The following CFAP47 variants were observed in gnomAD, a reference collection of about 807,000 sequenced individuals.
CFAP47 encodes the protein cilia- and flagella-associated protein 47.
Under a neutral mutation model 148.1 loss-of-function variants are expected in CFAP47, and 29 were observed. The observed-to-expected ratio is 0.20, with a 90% confidence interval of 0.15 to 0.27. The LOEUF (loss-of-function observed/expected upper bound fraction) is 0.27. Ranked by LOEUF, CFAP47 falls within the 10% of genes least tolerant of loss-of-function variation. The pLI is 1.00. For synonymous variants in CFAP47, 664 were observed against 577.3 expected, an observed-to-expected ratio of 1.15 and a Z score of -2.15; for missense variants, 1,872 against 1,697.5, an observed-to-expected ratio of 1.10 and a Z score of -1.81.
chrX:35,933,542 C>T (rs887507778), intron 2 of CFAP47, among the ~76,000 whole-genome samples: 12 of 111,993 alleles, frequency 1.1e-4, no homozygotes, highest in African/African-American at 3.9e-4. Context: ...GTGCAGATAT[C>T]CCTTCAATAC....
At chrX:35,949,717 T>C (rs1008265085) in intron 4 of CFAP47, among the ~76,000 whole-genome samples, 4 of 112,352 alleles carry the variant, frequency 3.6e-5, no homozygotes, top group African/African-American at 1.3e-4. Context: ...CTCAAAATAC[T>C]TGAGATCAGA....
intron 15 of CFAP47, among the ~76,000 whole-genome samples, chrX:35,977,510 G>T (rs1276766098): frequency 9.0e-6 from 1 of 110,821 alleles, no homozygotes; most frequent in Non-Finnish European, 1.9e-5. Context: ...CTTGCTCCCT[G>T]TTTCCTTCCA....
intron 21 of CFAP47, among the ~76,000 whole-genome samples, chrX:36,010,263 T>A (rs1937023648): frequency 9.0e-6 from 1 of 111,604 alleles, no homozygotes; most frequent in African/African-American, 3.2e-5. Flanking sequence ...TTTTTATCAA[T>A]TTAAATTTCT....
Position 36,309,440 on chromosome X carries a change from G to C in CFAP47, c.8188-1393G>C, listed in dbSNP as rs184494576. Among the ~76,000 whole-genome samples the C allele has an allele frequency of 2.3e-3, 253 of 111,251 alleles. 1 individual carries two copies. Among genetic ancestry groups the C allele is most frequent in the Non-Finnish European group, 3.4e-3 (181 of 52,605 alleles). Reference sequence around the variant, plus strand: ...AAATTGTATCTTTAAAAGTTTTAATGTCTCTCCTTTAGAAGAAGATTGAGA... The same window carrying C: ...AAATTGTATCTTTAAAAGTTTTAATCTCTCTCCTTTAGAAGAAGATTGAGA... On this transcript the variant is annotated intron_variant, in intron 55 of 63. Coordinates refer to ENST00000378653, the MANE Select transcript of CFAP47 (RefSeq NM_001304548.2).
At chrX:36,018,105 G>C (rs905294962) in intron 22 of CFAP47, among the ~76,000 whole-genome samples, 3 of 110,826 alleles carry the variant, frequency 2.7e-5, no homozygotes, top group African/African-American at 9.8e-5. Flanking sequence ...TAATTTCTAG[G>C]TACTTAATTT....
chrX:36,335,321 G>C (rs1245906829), intron 57 of CFAP47, among the ~76,000 whole-genome samples: 1 of 110,711 alleles, frequency 9.0e-6, no homozygotes, highest in Non-Finnish European at 1.9e-5. Flanking sequence ...AATGCATCCT[G>C]AATATTCCTC....
intron 33 of CFAP47, among the ~76,000 whole-genome samples, chrX:36,113,483 T>C (rs1938586704): frequency 9.0e-6 from 1 of 111,715 alleles, no homozygotes; most frequent in African/African-American, 3.3e-5. Flanking sequence ...CTTCCCTTTG[T>C]AGGTGACCTG....
At chrX:36,313,774 C>T (rs1375790523) in intron 56 of CFAP47, among the ~76,000 whole-genome samples, 8 of 110,382 alleles carry the variant, frequency 7.2e-5, no homozygotes, top group African/African-American at 9.9e-5. Flanking sequence ...CCTCATTTTT[C>T]TCTCTCTCTC....
chrX:36,179,246 A>C, intron 39 of CFAP47, 99 bp from the exon 40 acceptor site: 2 of 280,016 alleles, frequency 7.1e-6, no homozygotes, highest in Non-Finnish European at 1.3e-5. Flanking sequence ...TTCTAAGGAT[A>C]TTTTGTGAAT....
intron 22 of CFAP47, 37 bp from the exon 23 acceptor site, chrX:36,031,216 T>C: frequency 3.5e-6 from 1 of 286,517 alleles, no homozygotes; most frequent in East Asian, 4.9e-5. Context: ...CTTATATCTG[T>C]TGACATTTTA....
chrX:36,051,415 CAGTGT>C (rs1937519670), intron 26 of CFAP47, among the ~76,000 whole-genome samples: 1 of 111,996 alleles, frequency 8.9e-6, no homozygotes. Context: ...TCTCTTGTAT[CAGTGT>C]GACCTGGATG....
At chrX:36,147,404 T>C (rs1350210226) in intron 36 of CFAP47, among the ~76,000 whole-genome samples, 1 of 112,400 alleles carries the variant, frequency 8.9e-6, no homozygotes, top group Non-Finnish European at 1.9e-5. Flanking sequence ...ATGTATGATA[T>C]AGTGACAATG....
intron 60 of CFAP47, 137 bp downstream of exon 60, chrX:36,353,818 C>A: frequency 2.2e-6 from 1 of 447,244 alleles, no homozygotes; most frequent in Non-Finnish European, 3.7e-6. Context: ...TCACATAGTG[C>A]TTAAGGAGTG....
chrX:36,104,590 C>A lies in CFAP47; in HGVS notation c.5219C>A (p.Ala1740Glu). ...QNTPKVNPCF[A>E]SSNIYSDSER... ...ACACCAAAAGTCAATCCTTGTTTTG[C>A]ATCCAGCAACATATATTCTGATTCT... The change falls in exon 33 of 64, where the codon GCA becomes GAA. Residue 1740 changes from alanine to glutamate, a missense_variant. By Grantham distance (107) the Ala-to-Glu change is moderately radical (BLOSUM62 -1). Transcript: ENST00000378653. The A allele has an allele frequency of 1.1e-6, 1 of 929,056 alleles. No individual in the cohort carries two copies. Among genetic ancestry groups the A allele is most frequent in the Non-Finnish European group, 1.5e-6 (1 of 646,489 alleles). 76.6% of individuals were successfully genotyped at this position (929,056 alleles called of 1,213,427 possible).
At chrX:36,091,798 G>T (rs768679832) in intron 30 of CFAP47, among the ~76,000 whole-genome samples, 1 of 111,373 alleles carries the variant, frequency 9.0e-6, no homozygotes, top group Non-Finnish European at 1.9e-5. Flanking sequence ...CAAGGTTTGA[G>T]TTTTCAGAAT....
At chrX:36,032,928 G>T (rs779584469) in intron 23 of CFAP47, among the ~76,000 whole-genome samples, 7 of 111,233 alleles carry the variant, frequency 6.3e-5, no homozygotes, top group Admixed American at 9.6e-5. Flanking sequence ...TGACAGAAGG[G>T]TCAGAGTGAT....
At chrX:36,380,091 T>C (rs1291087828) in intron 63 of CFAP47, among the ~76,000 whole-genome samples, 5 of 112,248 alleles carry the variant, frequency 4.5e-5, no homozygotes, top group Non-Finnish European at 7.5e-5. Flanking sequence ...CTATAAAGTT[T>C]CACACATATT....
At chrX:36,328,558 C>T (rs1192879674) in intron 57 of CFAP47, among the ~76,000 whole-genome samples, 1 of 110,982 alleles carries the variant, frequency 9.0e-6, no homozygotes, top group African/African-American at 3.3e-5. Context: ...CGCCTGTAAT[C>T]CCAGCACTTT....
At chrX:35,950,848 G>GT (rs1936152329) in intron 4 of CFAP47, among the ~76,000 whole-genome samples, 1 of 111,673 alleles carries the variant, frequency 9.0e-6, no homozygotes, top group Non-Finnish European at 1.9e-5. Context: ...ATGCCATTGA[G>GT]TTTTTTCTGG....
Sources: gnomAD v4.1 joint callset for allele counts (sites outside exome capture counted in the v4.1 genomes callset) on GRCh38, gnomAD v4.1.1 for gene constraint, MANE v1.5 for transcripts, NCBI Gene and HGNC (gene_info 2026-07-23, HGNC 2026-07-21) for gene names.